The following CKAP2 variants were observed in gnomAD, a reference collection of about 807,000 sequenced individuals.
CKAP2 encodes the protein cytoskeleton-associated protein 2.
Under a neutral mutation model 58.4 loss-of-function variants are expected in CKAP2, and 46 were observed. The ratio of observed to expected loss-of-function variants is 0.79; its 90% CI spans 0.62 to 1.01. The LOEUF (loss-of-function observed/expected upper bound fraction) is 1.01, where lower values mean the gene tolerates loss of function less well. Ranked by LOEUF, CKAP2 falls within the 50% of genes least tolerant of loss-of-function variation. The pLI is 0.00. For missense variants in CKAP2, 809 were observed against 796.4 expected, an observed-to-expected ratio of 1.02 and a Z score of -0.19; for synonymous variants, 293 against 280.9, an observed-to-expected ratio of 1.04 and a Z score of -0.43.
chr13:52,472,502 T>TC (rs368897751), intron 7 of CKAP2, among the ~76,000 whole-genome samples: 2 of 152,232 alleles, frequency 1.3e-5, no homozygotes, highest in Non-Finnish European at 2.9e-5. Flanking sequence ...GGTTTTTTTT[T>TC]CCAGCTCAAT....
At chr13:52,474,265 C>A (rs985223601) in intron 8 of CKAP2, among the ~76,000 whole-genome samples, 181 bp downstream of exon 8, 1 of 152,160 alleles carries the variant, frequency 6.6e-6, no homozygotes, top group African/African-American at 2.4e-5. Context: ...GCAGACAGAT[C>A]ACTTGAGCCC....
chr13:52,467,561 T>C (rs1280385327), intron 6 of CKAP2, among the ~76,000 whole-genome samples: 1 of 151,872 alleles, frequency 6.6e-6, no homozygotes, highest in African/African-American at 2.4e-5. Context: ...TACAAAAAAT[T>C]AGCTGGGCAT....
intron 7 of CKAP2, among the ~76,000 whole-genome samples, chr13:52,472,064 T>C (rs1417471315): frequency 6.6e-6 from 1 of 152,226 alleles, no homozygotes. Flanking sequence ...GACAATCTTC[T>C]ACTTTTTCTT....
In CKAP2 at chr13:52,455,634, CCGCGG is replaced by C. The variant is rs1566095631; in HGVS notation, c.70+9_70+13del. 13 of 1,587,014 alleles carry C rather than the reference CCGCGG, an allele frequency of 8.2e-6. No individual in the cohort carries two copies. Among genetic ancestry groups the C allele is most frequent in the Non-Finnish European group, 9.4e-6 (11 of 1,169,740 alleles). On this transcript the variant is annotated intron_variant, in intron 1 of 8. Coordinates refer to ENST00000258607, the MANE Select transcript of CKAP2 (RefSeq NM_018204.5). ...CGCAGTCCGCATTCAAAGGTGAAGG[CCGCGG>C]TGGCGGTGGCGGTGGCGGTGGCGGT...
chr13:52,473,689 TGAGGA>T (rs1187488891), intron 7 of CKAP2, 135 bp from the exon 8 acceptor site: 2 of 659,176 alleles, frequency 3.0e-6, no homozygotes, highest in African/African-American at 3.6e-5. Flanking sequence ...CAGTATTTGC[TGAGGA>T]AAAGGAATGG....
intron 2 of CKAP2, among the ~76,000 whole-genome samples, chr13:52,458,772 G>A (rs918696059): frequency 6.6e-6 from 1 of 151,802 alleles, no homozygotes; most frequent in Admixed American, 6.6e-5. Flanking sequence ...CAGAAGAATC[G>A]CTTGAACCTG....
At chr13:52,455,823 G>C (rs918160274) in intron 1 of CKAP2, 197 bp downstream of exon 1, 21 of 798,226 alleles carry the variant, frequency 2.6e-5, no homozygotes, top group Middle Eastern at 4.2e-4. Flanking sequence ...CCGCTGCGTG[G>C]TGTTACTGTG....
In CKAP2 at chr13:52,475,863, C is replaced by T. The variant is rs939890017; in HGVS notation, c.*722C>T. On this transcript the variant is annotated 3_prime_UTR_variant, in exon 9 of 9. Transcript: ENST00000258607. ...AAGATACTTTGTGTAAGAAAAGATG[C>T]CACATTTAGTGGTTTAACTTTTGTA... 2.0e-5 allele frequency: 3 copies of T among 152,128 alleles called. No homozygotes were observed. The highest frequency in any genetic ancestry group is 6.5e-5 in the Admixed American group (1 of 15,268). The allele number at this position is 152,128 out of a possible 1,614,324, so 9.4% of individuals were successfully genotyped here.
chr13:52,456,715 T>C, intron 2 of CKAP2, 108 bp downstream of exon 2: 1 of 813,574 alleles, frequency 1.2e-6, no homozygotes, highest in East Asian at 2.5e-5. Flanking sequence ...AGTAGCCACA[T>C]TTAGAAAAAC....
intron 6 of CKAP2, 115 bp from the exon 7 acceptor site, chr13:52,468,163 G>A (rs1958708596): frequency 4.8e-6 from 3 of 625,800 alleles, no homozygotes; most frequent in South Asian, 4.1e-5. Context: ...CATGGTTTAA[G>A]AGCCACTCTT....
chr13:52,463,685 G>A (rs1033302858), intron 5 of CKAP2, among the ~76,000 whole-genome samples: 2 of 152,200 alleles, frequency 1.3e-5, no homozygotes, highest in African/African-American at 2.4e-5. Context: ...ACCAGAAGCA[G>A]TTGAGGGACC....
intron 7 of CKAP2, among the ~76,000 whole-genome samples, chr13:52,468,578 T>C (rs1958716487): frequency 6.6e-6 from 1 of 152,158 alleles, no homozygotes; most frequent in Non-Finnish European, 1.5e-5. Flanking sequence ...TGTGCCCCAG[T>C]GTGTGTTGTT....
rs1459082212 is a variant in CKAP2 at position 52,474,017 on chromosome 13, C to T, written c.1735C>T (p.Pro579Ser). Residue 579 changes from proline (P) to serine (S), a missense_variant, in exon 8 of 9, where the codon CCC becomes TCC. Pro to Ser is a moderately conservative substitution (Grantham distance 74). This residue lies in a region of CKAP2 where 283 missense variants were observed against 287.6 expected (regional missense o/e 0.98). Coordinates refer to ENST00000258607, the MANE Select transcript of CKAP2 (RefSeq NM_018204.5). ...TKDPTHDVKT[P>S]NTETRTSCLI... ...AGATCCAACCCATGATGTTAAAACC[C>T]CCAATACAGAAACGAGGACAAGTTG... 3 of 1,613,702 alleles carry T rather than the reference C, an allele frequency of 1.9e-6. No homozygotes were observed. In the African/African-American group the frequency reaches 4.0e-5, roughly 22 times the overall value.
In CKAP2 at chr13:52,461,286, A is replaced by G. The variant is rs1397046593; in HGVS notation, c.460A>G (p.Lys154Glu). ...GGCATTTCACCTTAAAAACAATAGT[A>G]AAAAGAAACAAATGACTACAGAAAA... Reference protein sequence around the residue: ...SQAFHLKNNSKKKQMTTEKQK... With the variant: ...SQAFHLKNNSEKKQMTTEKQK... The change falls in exon 4 of 9, where the codon AAA becomes GAA. Residue 154 changes from lysine (K) to glutamate (E), a missense_variant. Transcript: ENST00000258607. 9 of 1,613,696 alleles carry G rather than the reference A, an allele frequency of 5.6e-6. No homozygotes were observed. Among genetic ancestry groups the G allele is most frequent in the Non-Finnish European group, 7.6e-6 (9 of 1,179,986 alleles).
chr13:52,468,253 T>A, intron 6 of CKAP2, 25 bp from the exon 7 acceptor site: 1 of 1,428,984 alleles, frequency 7.0e-7, no homozygotes, highest in Non-Finnish European at 9.7e-7. Context: ...TACATGGATC[T>A]GCTTTCTTCA....
chr13:52,460,389 A>G (rs1035346945), intron 2 of CKAP2, among the ~76,000 whole-genome samples: 2 of 152,132 alleles, frequency 1.3e-5, no homozygotes, highest in Admixed American at 6.5e-5. Flanking sequence ...TACAAATTCT[A>G]TGGGCAGAGA....
At chr13:52,456,013 AT>A in intron 1 of CKAP2, 1 of 1,057,960 alleles carries the variant, frequency 9.5e-7, no homozygotes, top group Non-Finnish European at 1.1e-6. Context: ...TCCCTAGCGA[AT>A]TTCTGCAGGG....
intron 7 of CKAP2, chr13:52,473,587 G>T (rs1237307890): frequency 2.6e-6 from 1 of 383,016 alleles, no homozygotes; most frequent in Non-Finnish European, 4.6e-6. Context: ...AAAGTTAGTT[G>T]TTTCTTTTTG....
rs1490004067 is a variant in CKAP2, at chr13:52,466,010, C to CATACACATATATACACAT, written c.1476+563_1476+580dup. 1.2e-4 allele frequency among the ~76,000 whole-genome samples: 18 copies of CATACACATATATACACAT among 151,542 alleles called. No homozygotes were observed. In the South Asian group the frequency reaches 3.7e-3, roughly 32 times the overall value. ...ATATATGCACACATATATATACACA[C>CATACACATATATACACAT]ATACACATATATACACATATACACA... On this transcript the variant is annotated intron_variant, in intron 6 of 8. Transcript: ENST00000258607.
Sources: allele counts gnomAD v4.1 joint callset (sites outside exome capture counted in the v4.1 genomes callset), GRCh38; gene constraint gnomAD v4.1.1; regional missense constraint gnomAD v4.1.1; transcripts MANE v1.5; gene names NCBI Gene and HGNC (gene_info 2026-07-23, HGNC 2026-07-21).